The following ASH2L variants were observed in gnomAD, a reference collection of about 807,000 sequenced individuals.
ASH2L encodes the protein set1/Ash2 histone methyltransferase complex subunit ASH2.
In ASH2L, 30 loss-of-function variants were observed where a neutral mutation model predicts 81.1. That is an observed-to-expected ratio of 0.37 (90% CI 0.28 to 0.50). The LOEUF (loss-of-function observed/expected upper bound fraction) is 0.50. Among genes scored for constraint, ASH2L ranks in the 20% least tolerant of loss-of-function variants. The probability of loss-of-function intolerance (pLI) is 0.95; values close to 1 mark genes in which losing one functional copy is unlikely to be tolerated. For missense variants in ASH2L, 559 were observed against 792.1 expected (o/e 0.71, Z 3.53); for synonymous variants, 273 against 279.9 (o/e 0.98, Z 0.24).
chr8:38,137,046 TTAC>T (rs890859346), intron 14 of ASH2L, among the ~76,000 whole-genome samples: 1 of 150,804 alleles, frequency 6.6e-6, no homozygotes, highest in African/African-American at 2.4e-5. Flanking sequence ...TGAGCCAAGA[TTAC>T]ACCACTGCCC....
chr8:38,126,314 G>GT (rs1801843137), intron 10 of ASH2L, among the ~76,000 whole-genome samples: 1 of 152,122 alleles, frequency 6.6e-6, no homozygotes, highest in African/African-American at 2.4e-5. Flanking sequence ...TTGAGGAACT[G>GT]TTTGAGATTG....
chr8:38,137,104 A>G (rs1802287004), intron 14 of ASH2L, among the ~76,000 whole-genome samples: 1 of 150,246 alleles, frequency 6.7e-6, no homozygotes, highest in African/African-American at 2.5e-5. Flanking sequence ...AAAAAAAAAA[A>G]AGGGCGGGGG....
intron 1 of ASH2L, 104 bp downstream of exon 1, chr8:38,105,842 C>T: frequency 6.9e-7 from 1 of 1,446,086 alleles, no homozygotes; most frequent in Non-Finnish European, 9.1e-7. Context: ...AACCCAGGCC[C>T]CGCCGCCAAT....
rs1810464755 is a variant in ASH2L at position 38,107,024 on chromosome 8, G to A, written c.259G>A (p.Gly87Ser). 1.2e-6 allele frequency: 2 copies of A among 1,613,976 alleles called. No homozygotes were observed. The highest frequency in any genetic ancestry group is 1.7e-6 in the Non-Finnish European group (2 of 1,179,904). The change falls in exon 3 of 16, where the codon GGT (glycine) becomes AGT (serine). Residue 87 changes from glycine to serine, a missense_variant. Gly to Ser is a moderately conservative substitution (Grantham distance 56). Around this residue, in one of 4 missense-constraint regions of ASH2L, gnomAD observed 145 missense variants for 115.5 expected, o/e 1.26. Transcript: ENST00000343823. Reference protein sequence around the residue: ...ESSNGKDTLEGAGDTSEVMDT... With the variant: ...ESSNGKDTLESAGDTSEVMDT... ...GTCTCGAACTGCTCTGACACAGGAAGGTGCTGGGGATACATCAGAGGTGAT... is the reference window on the plus strand; with the variant it reads ...GTCTCGAACTGCTCTGACACAGGAAAGTGCTGGGGATACATCAGAGGTGAT...
intron 3 of ASH2L, among the ~76,000 whole-genome samples, chr8:38,109,569 A>G (rs549419543): frequency 3.9e-5 from 6 of 152,220 alleles, no homozygotes; most frequent in Admixed American, 6.5e-5. Context: ...TCTCTTCTCA[A>G]ATGCGTTGGT....
intron 2 of ASH2L, 64 bp downstream of exon 2, chr8:38,106,508 T>TTC: frequency 1.5e-6 from 1 of 672,996 alleles, no homozygotes; most frequent in African/African-American, 1.9e-5. Flanking sequence ...TTCTTCTTCT[T>TTC]TTTTTTTTTT....
chr8:38,107,918 A>G (rs551018427), intron 3 of ASH2L, among the ~76,000 whole-genome samples: 1 of 151,008 alleles, frequency 6.6e-6, no homozygotes, highest in South Asian at 2.1e-4. Context: ...ATGTATATAT[A>G]TATACATATA....
At chr8:38,119,384 G>T (rs1585581597) in intron 9 of ASH2L, 21 bp downstream of exon 9, 8 of 1,483,018 alleles carry the variant, frequency 5.4e-6, no homozygotes, top group Non-Finnish European at 6.3e-6. Context: ...TGCCCACCCT[G>T]CCCCCCTCAC....
At position 38,106,430 on chromosome 8, in the gene ASH2L, G is replaced by C. The variant is rs1264768609; in HGVS notation, c.241G>C (p.Gly81Arg). The C allele has an allele frequency of 6.2e-7, 1 of 1,613,686 alleles. No individual in the cohort carries two copies. The highest frequency in any genetic ancestry group is 8.5e-7 in the Non-Finnish European group (1 of 1,179,702). Residue 81 changes from glycine (G) to arginine (R), a missense_variant, in exon 2 of 16, where the codon GGA becomes CGA. By Grantham distance (125) the Gly-to-Arg change is moderately radical. This residue lies in a region of ASH2L where 145 missense variants were observed against 115.5 expected (regional missense o/e 1.26). Coordinates refer to ENST00000343823, the MANE Select transcript of ASH2L (RefSeq NM_004674.5). ...TGGCTTGGAGACAGAATCATCTAATGGAAAAGATACACTAGTAAGTATTTT... is the reference window on the plus strand; with the variant it reads ...TGGCTTGGAGACAGAATCATCTAATCGAAAAGATACACTAGTAAGTATTTT... ...SGGLETESSN[G>R]KDTLEGAGDT...
intron 3 of ASH2L, among the ~76,000 whole-genome samples, chr8:38,109,499 C>A (rs1043178117): frequency 6.6e-6 from 1 of 152,202 alleles, no homozygotes; most frequent in African/African-American, 2.4e-5. Flanking sequence ...TGTTACTTTG[C>A]CCTTTGCAAG....
Position 38,139,052 on chromosome 8 carries a change from G to C in ASH2L, c.1868G>C (p.Ser623Thr). The C allele has an allele frequency of 6.3e-7, 1 of 1,598,352 alleles. No individual in the cohort carries two copies. The highest frequency in any genetic ancestry group is 8.5e-7 in the Non-Finnish European group (1 of 1,172,212). Residue 623 changes from serine (S) to threonine (T), a missense_variant, in exon 16 of 16, where the codon AGT (serine) becomes ACT (threonine). This residue lies in a region of ASH2L where 95 missense variants were observed against 130.7 expected (regional missense o/e 0.73). Coordinates refer to ENST00000343823, the MANE Select transcript of ASH2L (RefSeq NM_004674.5). ...GAGACAGAAGTGGATGGGAGGCGCA[G>C]TCCCCCATGGGAACCCTGACCAGGT... ...HVETEVDGRR[S>T]PPWEP
At position 38,106,449 on chromosome 8, in the gene ASH2L, GTA is replaced by G; in HGVS notation, c.255+7_255+8del. ...TCTAATGGAAAAGATACACTAGTAA[GTA>G]TTTTTAGTTGTTTGCAAGACAAAAT... is the stretch of plus-strand genomic sequence containing the variant. On this transcript the variant is annotated splice_donor_region_variant and intron_variant, in intron 2 of 15. Coordinates refer to ENST00000343823, the MANE Select transcript of ASH2L (RefSeq NM_004674.5). 1 of 1,604,054 alleles carries G rather than the reference GTA, an allele frequency of 6.2e-7. No homozygotes were observed. The highest frequency in any genetic ancestry group is 8.5e-7 in the Non-Finnish European group (1 of 1,172,538).
At chr8:38,118,984 G>A in intron 8 of ASH2L, 1 of 290,248 alleles carries the variant, frequency 3.4e-6, no homozygotes, top group Non-Finnish European at 6.5e-6. Flanking sequence ...CCCTGAGAAA[G>A]TATACCAATA....
intron 1 of ASH2L, chr8:38,105,956 C>G: frequency 6.6e-7 from 1 of 1,516,660 alleles, no homozygotes; most frequent in Non-Finnish European, 8.8e-7. Context: ...AGGCTCCTGT[C>G]GTTATCTCTG....
chr8:38,107,520 G>A (rs930719118), intron 3 of ASH2L, among the ~76,000 whole-genome samples: 1 of 152,148 alleles, frequency 6.6e-6, no homozygotes, highest in African/African-American at 2.4e-5. Context: ...TGTGGATAAA[G>A]CCTGTTGTCC....
chr8:38,137,110 G>A (rs1266233457), intron 14 of ASH2L, among the ~76,000 whole-genome samples: 18 of 145,630 alleles, frequency 1.2e-4, no homozygotes, highest in East Asian at 1.2e-3. Context: ...AAAAAAGGGC[G>A]GGGGTGGCGC....
intron 3 of ASH2L, among the ~76,000 whole-genome samples, chr8:38,108,579 G>A (rs1810550883): frequency 6.6e-6 from 1 of 151,988 alleles, no homozygotes; most frequent in Admixed American, 6.6e-5. Flanking sequence ...CAGCACTTTG[G>A]GAGGCCAAGG....
At chr8:38,112,060 G>T (rs534687324) in intron 5 of ASH2L, among the ~76,000 whole-genome samples, 174 of 152,278 alleles carry the variant, frequency 1.1e-3, no homozygotes, top group Middle Eastern at 3.4e-3. Context: ...AGCCTGGAGT[G>T]CAGTGGCACA....
intron 7 of ASH2L, among the ~76,000 whole-genome samples, chr8:38,116,330 C>T (rs566853471): frequency 6.6e-6 from 1 of 151,464 alleles, no homozygotes; most frequent in South Asian, 2.1e-4. Context: ...CGCGCCACTG[C>T]ACTCCAGCCT....
Sources: gnomAD v4.1 joint callset for allele counts (sites outside exome capture counted in the v4.1 genomes callset) on GRCh38, gnomAD v4.1.1 for gene constraint, gnomAD v4.1.1 regional missense constraint, MANE v1.5 for transcripts, NCBI Gene and HGNC (gene_info 2026-07-23, HGNC 2026-07-21) for gene names.